Variants in STK24 observed in about 807,000 individuals in gnomAD.
The protein encoded by STK24 is serine/threonine kinase 24.
In STK24, 21 loss-of-function variants were observed where a neutral mutation model predicts 55.6. The observed-to-expected ratio is 0.38, with a 90% CI of 0.27 to 0.54. The LOEUF is 0.54. Among genes scored for constraint, STK24 ranks in the 20% least tolerant of loss-of-function variants. The pLI is 0.79. For synonymous variants in STK24, 200 were observed against 215.2 expected, an observed-to-expected ratio of 0.93 and a Z score of 0.62; for missense variants, 383 against 538.4, an observed-to-expected ratio of 0.71 and a Z score of 2.86.
Position 98,509,051 on chromosome 13 carries a change from C to T in STK24, c.273+10192G>A, listed in dbSNP as rs1231710752. The stretch of plus-strand genomic sequence containing the variant: ...TTTTGGGCACCCTTTTTTAGTTTCA[C>T]AATACTTCATAAGCCTAATTATCAG... On this transcript the variant is annotated intron_variant, in intron 2 of 10. Transcript: ENST00000539966. 2.0e-5 allele frequency: 3 copies of T among 152,240 alleles called. No homozygotes were observed. In the East Asian group the frequency reaches 5.8e-4, roughly 29 times the overall value. 9.4% of individuals were successfully genotyped at this position (152,240 alleles called of 1,614,324 possible).
intron 2 of STK24, among the ~76,000 whole-genome samples, chr13:98,498,330 T>C (rs1895325915): frequency 6.6e-6 from 1 of 152,256 alleles, no homozygotes; most frequent in South Asian, 2.1e-4. Context: ...GGAATTCAAA[T>C]GCTCAGCTCA....
At chr13:98,563,156 G>C (rs1004454171) in intron 1 of STK24, among the ~76,000 whole-genome samples, 5 of 152,034 alleles carry the variant, frequency 3.3e-5, no homozygotes, top group Admixed American at 3.3e-4. Context: ...TAAACTATGT[G>C]ATCACTTTAT....
At chr13:98,538,025 C>T (rs1272003745) in intron 1 of STK24, among the ~76,000 whole-genome samples, 2 of 152,200 alleles carry the variant, frequency 1.3e-5, no homozygotes, top group African/African-American at 2.4e-5. Context: ...GTAGATGTCA[C>T]TTGTAGCTTC....
At chr13:98,524,895 T>C (rs1163093058) in intron 1 of STK24, among the ~76,000 whole-genome samples, 1 of 152,250 alleles carries the variant, frequency 6.6e-6, no homozygotes, top group Non-Finnish European at 1.5e-5. Flanking sequence ...AAAGGGTCAC[T>C]GCATTGTCTC....
intron 1 of STK24, among the ~76,000 whole-genome samples, chr13:98,529,265 C>T (rs183266789): frequency 3.3e-5 from 5 of 152,250 alleles, no homozygotes; most frequent in South Asian, 2.1e-4. Flanking sequence ...CCTCTCTCAC[C>T]CCAACATGCA....
intron 1 of STK24, among the ~76,000 whole-genome samples, chr13:98,567,354 G>A (rs938506154): frequency 3.4e-4 from 51 of 152,116 alleles, no homozygotes; most frequent in African/African-American, 1.2e-3. Flanking sequence ...CGGAACATAC[G>A]ACCAGACTGA....
chr13:98,527,345 A>G (rs1258058276), intron 1 of STK24, among the ~76,000 whole-genome samples: 1 of 152,188 alleles, frequency 6.6e-6, no homozygotes. Context: ...CTTCATCTAA[A>G]AAGCCCAGAG....
chr13:98,529,176 A>T (rs1239107610), intron 1 of STK24, among the ~76,000 whole-genome samples: 1 of 151,712 alleles, frequency 6.6e-6, no homozygotes, highest in East Asian at 1.9e-4. Flanking sequence ...CCCTCTCCCC[A>T]GGCCCCCCAC....
At chr13:98,453,341 A>G in intron 10 of STK24, 132 bp from the exon 11 acceptor site, 1 of 860,292 alleles carries the variant, frequency 1.2e-6, no homozygotes, top group Middle Eastern at 2.3e-4. Flanking sequence ...AGCAAATATC[A>G]ATGTGTAAGT....
chr13:98,467,276 AAATC>A (rs1334969167), intron 5 of STK24, among the ~76,000 whole-genome samples: 3 of 152,244 alleles, frequency 2.0e-5, no homozygotes, highest in Admixed American at 6.5e-5. Flanking sequence ...GTATATTTTA[AAATC>A]AATCAGTCAT....
chr13:98,542,537 CTG>C (rs201488811), intron 1 of STK24, among the ~76,000 whole-genome samples: 2,421 of 151,780 alleles, frequency 0.016, 89 homozygotes, highest in African/African-American at 0.055. Flanking sequence ...ACAGAGCACT[CTG>C]TGTTTTTCAG....
intron 8 of STK24, among the ~76,000 whole-genome samples, chr13:98,461,418 A>G (rs898658008): frequency 1.3e-5 from 2 of 152,176 alleles, no homozygotes; most frequent in African/African-American, 2.4e-5. Flanking sequence ...CAAAATTATG[A>G]TATGTATGTA....
At chr13:98,525,312 G>T (rs184097464) in intron 1 of STK24, among the ~76,000 whole-genome samples, 2 of 152,346 alleles carry the variant, frequency 1.3e-5, no homozygotes, top group Non-Finnish European at 2.9e-5. Flanking sequence ...AAGGCCTGGG[G>T]CCCCTCAACC....
At chr13:98,529,296 G>A (rs546156214) in intron 1 of STK24, among the ~76,000 whole-genome samples, 14 of 152,114 alleles carry the variant, frequency 9.2e-5, no homozygotes, top group African/African-American at 2.7e-4. Flanking sequence ...TGGTTCTTCC[G>A]AAGCGTCTCT....
intron 1 of STK24, among the ~76,000 whole-genome samples, chr13:98,574,379 A>G (rs1482784629): frequency 6.6e-6 from 1 of 152,238 alleles, no homozygotes; most frequent in Non-Finnish European, 1.5e-5. Flanking sequence ...AGCAAGCCAT[A>G]GAAGAGATAC....
intron 2 of STK24, among the ~76,000 whole-genome samples, chr13:98,510,760 G>A (rs747209700): frequency 6.6e-6 from 1 of 152,198 alleles, no homozygotes; most frequent in Non-Finnish European, 1.5e-5. Context: ...GGAAGAAATG[G>A]GAAGTGAATG....
At chr13:98,460,205 G>A (rs1472491850) in intron 9 of STK24, among the ~76,000 whole-genome samples, 167 bp downstream of exon 9, 3 of 53,844 alleles carry the variant, frequency 5.6e-5, no homozygotes, top group African/African-American at 1.2e-4. Flanking sequence ...CAGGGGAGGC[G>A]CAAGGTGGTG....
At chr13:98,571,601 G>C (rs1423772954) in intron 1 of STK24, among the ~76,000 whole-genome samples, 1 of 152,044 alleles carries the variant, frequency 6.6e-6, no homozygotes, top group African/African-American at 2.4e-5. Flanking sequence ...TCTTACCATT[G>C]TTACATTTTG....
intron 1 of STK24, among the ~76,000 whole-genome samples, chr13:98,567,932 T>TAA (rs143572413): frequency 4.8e-5 from 3 of 62,710 alleles, no homozygotes; most frequent in African/African-American, 1.4e-4. Flanking sequence ...GGTAGTGGTT[T>TAA]AAAAAAAAAA....
Sources: gnomAD v4.1 joint callset for allele counts (sites outside exome capture counted in the v4.1 genomes callset) on GRCh38, gnomAD v4.1.1 for gene constraint, MANE v1.5 for transcripts, NCBI Gene and HGNC (gene_info 2026-07-23, HGNC 2026-07-21) for gene names.